Variants in ADCY8 observed in about 807,000 individuals in gnomAD.
ADCY8 encodes the protein adenylate cyclase type 8.
A neutral mutation model predicts 119.7 loss-of-function variants in ADCY8; 51 were observed. The ratio of observed to expected loss-of-function variants is 0.43; its 90% CI spans 0.34 to 0.54. The LOEUF (loss-of-function observed/expected upper bound fraction) is 0.54. Ranked by LOEUF, ADCY8 falls within the 20% of genes least tolerant of loss-of-function variation. The pLI, the probability that ADCY8 is intolerant of heterozygous loss-of-function variation, is 0.03. For synonymous variants in ADCY8, 665 were observed against 651.0 expected (o/e 1.02, Z -0.33); for missense variants, 1,383 against 1,598.8 (o/e 0.87, Z 2.30).
chr8:130,995,740 T>G (rs751764144), intron 1 of ADCY8, among the ~76,000 whole-genome samples: 5 of 152,174 alleles, frequency 3.3e-5, no homozygotes, highest in Admixed American at 6.6e-5. Flanking sequence ...AGACACTCCC[T>G]GATCACTATA....
chr8:130,978,896 T>A (rs997170581), intron 2 of ADCY8, among the ~76,000 whole-genome samples: 13 of 152,120 alleles, frequency 8.5e-5, no homozygotes, highest in African/African-American at 2.9e-4. Context: ...TAGTATAGAA[T>A]TTTGATTGGA....
chr8:130,842,100 C>T (rs1366664535), intron 11 of ADCY8, among the ~76,000 whole-genome samples: 4 of 152,118 alleles, frequency 2.6e-5, no homozygotes, highest in Non-Finnish European at 5.9e-5. Flanking sequence ...CCTAGTGGTC[C>T]TTTGATTCAT....
At chr8:130,880,485 A>G (rs1372758213) in intron 8 of ADCY8, among the ~76,000 whole-genome samples, 3 of 152,208 alleles carry the variant, frequency 2.0e-5, no homozygotes, top group Non-Finnish European at 2.9e-5. Flanking sequence ...TATCTTTACC[A>G]TAGTTCTGAT....
chr8:130,933,177 G>A (rs1029357509), intron 5 of ADCY8, among the ~76,000 whole-genome samples: 3 of 150,848 alleles, frequency 2.0e-5, no homozygotes, highest in South Asian at 2.1e-4. Context: ...GGGTCAACAC[G>A]AAATTTGGGG....
intron 5 of ADCY8, among the ~76,000 whole-genome samples, chr8:130,924,185 G>A (rs927821194): frequency 5.3e-5 from 8 of 152,192 alleles, no homozygotes; most frequent in Non-Finnish European, 7.3e-5. Context: ...TGTGATCTAG[G>A]TGGAGGTAAT....
At chr8:130,994,694 T>A (rs1822711064) in intron 1 of ADCY8, among the ~76,000 whole-genome samples, 1 of 152,272 alleles carries the variant, frequency 6.6e-6, no homozygotes. Context: ...CAGTTGTTTT[T>A]AAATTTTATA....
chr8:130,822,443 G>C (rs16904366), intron 12 of ADCY8, among the ~76,000 whole-genome samples: 25,950 of 152,162 alleles, frequency 0.17, 2,595 homozygotes, highest in East Asian at 0.24. Flanking sequence ...AAAGTGAAGA[G>C]GGCTGGACTG....
At chr8:130,916,075 G>A (rs1820119123) in intron 5 of ADCY8, among the ~76,000 whole-genome samples, 1 of 152,180 alleles carries the variant, frequency 6.6e-6, no homozygotes. Context: ...CAGTTTACAA[G>A]TGAGAGAACT....
intron 1 of ADCY8, among the ~76,000 whole-genome samples, chr8:131,004,725 C>A (rs1823061131): frequency 6.6e-6 from 1 of 152,180 alleles, no homozygotes; most frequent in South Asian, 2.1e-4. Flanking sequence ...ACATATCCTG[C>A]CCTCTTGGAG....
chr8:131,008,111 C>A (rs75185590), intron 1 of ADCY8, among the ~76,000 whole-genome samples: 3,293 of 152,278 alleles, frequency 0.022, 141 homozygotes, highest in African/African-American at 0.074. Flanking sequence ...GTCTAAACCT[C>A]ATTTTTCATA....
At chr8:130,816,572 C>A (rs1259873116) in intron 13 of ADCY8, among the ~76,000 whole-genome samples, 1 of 151,788 alleles carries the variant, frequency 6.6e-6, no homozygotes, top group Non-Finnish European at 1.5e-5. Context: ...ATCACAGGTG[C>A]CTGCCACCAC....
intron 8 of ADCY8, among the ~76,000 whole-genome samples, chr8:130,874,718 A>T (rs1273110768): frequency 6.6e-6 from 1 of 152,170 alleles, no homozygotes; most frequent in Non-Finnish European, 1.5e-5. Flanking sequence ...TCCTTCCTTG[A>T]TAGCGGGGTT....
chr8:130,807,706 C>T (rs929579904), intron 14 of ADCY8, among the ~76,000 whole-genome samples: 8 of 151,970 alleles, frequency 5.3e-5, no homozygotes, highest in African/African-American at 9.7e-5. Context: ...CCAGTATCGC[C>T]GGGCGCGGTG....
intron 1 of ADCY8, among the ~76,000 whole-genome samples, chr8:131,005,118 A>C (rs2130769513): frequency 6.6e-6 from 1 of 152,312 alleles, no homozygotes. Flanking sequence ...AGAAAAAATA[A>C]ATCCTTATCA....
chr8:130,811,557 G>A (rs2130159548), intron 14 of ADCY8, among the ~76,000 whole-genome samples: 1 of 152,286 alleles, frequency 6.6e-6, no homozygotes, highest in Non-Finnish European at 1.5e-5. Flanking sequence ...ATCTAGTCCT[G>A]GAAGAGCGGT....
rs1586576605 is a variant in ADCY8 at position 130,925,252 on chromosome 8, A to G, written c.1481+11821T>C. Among the ~76,000 whole-genome samples, 3 of 152,102 alleles carry G rather than the reference A, an allele frequency of 2.0e-5. No individual in the cohort carries two copies. The South Asian group carries it at 6.2e-4, about 32-fold the overall frequency. ...ACAAAACAAACAAAAAGAAACTCAA[A>G]CTGCTATCATTATTTTATGGGCATA... On this transcript the variant is annotated intron_variant, in intron 5 of 17. Transcript: ENST00000286355.
intron 9 of ADCY8, among the ~76,000 whole-genome samples, chr8:130,861,610 G>A (rs1817931615): frequency 6.6e-6 from 1 of 152,110 alleles, no homozygotes; most frequent in South Asian, 2.1e-4. Context: ...AGAAAGTTAT[G>A]TCATTGGTAG....
In ADCY8 at chr8:130,943,365, C is replaced by A. The variant is rs1223863714; in HGVS notation, c.1339G>T (p.Asp447Tyr). The A allele has an allele frequency of 6.2e-7, 1 of 1,611,036 alleles. No individual in the cohort carries two copies. ...ATTCAACTCACATGGGCCAGTCGAT[C>A]AAATCTGGCAAAGAGCTCGTTGAGC... ...RMLNELFARFDRLAHEHHCLR... is the reference protein window; with the variant it reads ...RMLNELFARFYRLAHEHHCLR... Residue 447 changes from aspartate (D) to tyrosine (Y), a missense_variant, in exon 4 of 18, where the codon GAT (aspartate) becomes TAT (tyrosine). By Grantham distance (160) the Asp-to-Tyr change is radical (BLOSUM62 -3). Around this residue, in one of 2 missense-constraint regions of ADCY8, gnomAD observed 928 missense variants for 1,163.5 expected, o/e 0.80. Transcript: ENST00000286355.
intron 3 of ADCY8, chr8:130,949,502 G>T (rs556655742): frequency 2.4e-4 from 37 of 152,124 alleles, no homozygotes; most frequent in African/African-American, 8.4e-4. Context: ...CTGCATTCGT[G>T]GTCAAGCCAT....
Sources: gnomAD v4.1 joint callset for allele counts (sites outside exome capture counted in the v4.1 genomes callset) on GRCh38, gnomAD v4.1.1 for gene constraint, gnomAD v4.1.1 regional missense constraint, MANE v1.5 for transcripts, NCBI Gene and HGNC (gene_info 2026-07-23, HGNC 2026-07-21) for gene names.